NEDD4: variants seen among roughly 807,000 people sequenced by gnomAD.
NEDD4 encodes the protein E3 ubiquitin-protein ligase NEDD4.
NEDD4 carries 99 observed loss-of-function variants against 144.9 expected under a neutral mutation model. That is an observed-to-expected ratio of 0.68 (90% confidence interval 0.58 to 0.81). The LOEUF is 0.81. Ranked by LOEUF, NEDD4 falls within the 30% of genes least tolerant of loss-of-function variation. The pLI is 0.00. For missense variants in NEDD4, 985 were observed against 1,065.9 expected (o/e 0.92, Z 1.06); for synonymous variants, 318 against 350.6 (o/e 0.91, Z 1.04).
At chr15:55,911,530 A>C (rs1424053960) in intron 5 of NEDD4, among the ~76,000 whole-genome samples, 1 of 151,898 alleles carries the variant, frequency 6.6e-6, no homozygotes, top group Non-Finnish European at 1.5e-5. Flanking sequence ...TAGACTGAAA[A>C]AAAATTTTTT....
intron 1 of NEDD4, among the ~76,000 whole-genome samples, chr15:55,982,661 G>A (rs1278198521): frequency 1.3e-5 from 2 of 152,140 alleles, no homozygotes; most frequent in African/African-American, 4.8e-5. Context: ...TTGGGTCATT[G>A]GCTTTACATG....
chr15:55,967,113 G>C (rs557573792), intron 1 of NEDD4, among the ~76,000 whole-genome samples: 92 of 152,280 alleles, frequency 6.0e-4, no homozygotes, highest in Non-Finnish European at 1.0e-3. Flanking sequence ...TCGAACTCCT[G>C]ACCTCAGGTG....
intron 4 of NEDD4, among the ~76,000 whole-genome samples, chr15:55,929,337 TA>T (rs1164979365): frequency 6.6e-6 from 1 of 152,218 alleles, no homozygotes; most frequent in African/African-American, 2.4e-5. Context: ...TTTCCTTTTT[TA>T]AAAAAATTTA....
chr15:55,976,014 G>T lies in NEDD4; in HGVS notation c.46-9468C>A, dbSNP rs114483499. On this transcript the variant is annotated intron_variant, in intron 1 of 28. Coordinates refer to ENST00000435532, the MANE Select transcript of NEDD4 (RefSeq NM_006154.4). ...AACTCCTTTTTGACAAAGGTGCCAT[G>T]AACACACAATGGGGAAAGGACAGTC... Among the ~76,000 whole-genome samples, 1,174 of 152,268 alleles carry T rather than the reference G, an allele frequency of 7.7e-3. 16 individuals carry two copies. Among genetic ancestry groups the T allele is most frequent in the African/African-American group, 0.027 (1,121 of 41,548 alleles).
chr15:55,908,889 A>T (rs2036184159), intron 5 of NEDD4, among the ~76,000 whole-genome samples: 1 of 152,152 alleles, frequency 6.6e-6, no homozygotes, highest in African/African-American at 2.4e-5. Context: ...AACAATTGAG[A>T]TAAAAAGTAA....
intron 5 of NEDD4, chr15:55,915,332 T>G (rs977736815): frequency 1.2e-6 from 2 of 1,610,032 alleles, no homozygotes; most frequent in African/African-American, 2.7e-5. Flanking sequence ...TGCTGTCTCT[T>G]GATAAATTAT....
At chr15:55,922,534 T>G (rs2036587704) in intron 5 of NEDD4, among the ~76,000 whole-genome samples, 1 of 152,134 alleles carries the variant, frequency 6.6e-6, no homozygotes, top group Admixed American at 6.5e-5. Context: ...AACTAATTTT[T>G]GTATTTTTAT....
chr15:55,963,128 C>CTTTTTTTTTTTTTTTTTTTTTTTTT (rs754905603), intron 2 of NEDD4, among the ~76,000 whole-genome samples: 1 of 142,656 alleles, frequency 7.0e-6, no homozygotes, highest in Non-Finnish European at 1.5e-5. Context: ...TTCTGGCACT[C>CTTTTTTTTTTTTTTTTTTTTTTTTT]TTTTTTATTT....
At position 55,993,381 on chromosome 15, in the gene NEDD4, C is replaced by G. The variant is rs1459016037; in HGVS notation, c.45+130G>C. On this transcript the variant is annotated intron_variant, in intron 1 of 28. Transcript: ENST00000435532. ...GTCCCCGCGGCGCCTCGCGCGCTCCCCAGGCTCGCGCCGAGGGAGGAGGGG... is the reference window on the plus strand; with the variant it reads ...GTCCCCGCGGCGCCTCGCGCGCTCCGCAGGCTCGCGCCGAGGGAGGAGGGG... The G allele has an allele frequency of 3.3e-6, 4 of 1,208,600 alleles. No homozygotes were observed. In the East Asian group the frequency reaches 1.2e-4, roughly 36 times the overall value. The allele number at this position is 1,208,600 out of a possible 1,614,324, so 74.9% of individuals were successfully genotyped here. A position where few individuals can be genotyped will look rare whatever the true frequency, so the allele number is the denominator to read the frequency against.
chr15:55,878,347 A>C (rs2035066056), intron 5 of NEDD4, among the ~76,000 whole-genome samples: 1 of 152,216 alleles, frequency 6.6e-6, no homozygotes, highest in Non-Finnish European at 1.5e-5. Flanking sequence ...TGTCCCATTA[A>C]AATGGGCATA....
intron 6 of NEDD4, 104 bp downstream of exon 6, chr15:55,873,853 TA>T: frequency 2.0e-6 from 1 of 494,078 alleles, no homozygotes; most frequent in Non-Finnish European, 3.5e-6. Context: ...AAAAGTAGTA[TA>T]CATTTGATAA....
chr15:55,966,870 G>A (rs542229524), intron 1 of NEDD4, among the ~76,000 whole-genome samples: 11 of 152,126 alleles, frequency 7.2e-5, no homozygotes, highest in South Asian at 4.2e-4. Context: ...ACACAAAATC[G>A]AAAGTTCATA....
intron 1 of NEDD4, chr15:55,991,929 T>C (rs1241271521): frequency 6.6e-6 from 1 of 152,270 alleles, no homozygotes. Context: ...ATGATACCTT[T>C]GGCACTATTT....
chr15:55,963,176 G>C (rs1412346207), intron 2 of NEDD4, among the ~76,000 whole-genome samples: 1 of 145,744 alleles, frequency 6.9e-6, no homozygotes, highest in East Asian at 2.1e-4. Flanking sequence ...CTGTCGCCTA[G>C]GCTGGAGTGC....
intron 27 of NEDD4, among the ~76,000 whole-genome samples, chr15:55,832,214 A>G (rs886843561): frequency 7.9e-5 from 12 of 151,984 alleles, no homozygotes; most frequent in African/African-American, 2.7e-4. Context: ...TCATGATCAA[A>G]TAAGTTTGGG....
chr15:55,857,481 A>T (rs2034242484), intron 11 of NEDD4, among the ~76,000 whole-genome samples: 1 of 152,066 alleles, frequency 6.6e-6, no homozygotes. Context: ...GACACACGCC[A>T]CTGCACTCGG....
intron 1 of NEDD4, among the ~76,000 whole-genome samples, chr15:55,969,239 G>C (rs1184204076): frequency 1.3e-5 from 2 of 152,212 alleles, no homozygotes; most frequent in Non-Finnish European, 2.9e-5. Flanking sequence ...GGAGTATTTA[G>C]ACCAGCCTCA....
chr15:55,877,543 A>G (rs1421098538), intron 5 of NEDD4, among the ~76,000 whole-genome samples: 2 of 152,180 alleles, frequency 1.3e-5, no homozygotes, highest in Non-Finnish European at 2.9e-5. Context: ...TGTAATTAAC[A>G]GTATCTTGTG....
chr15:55,852,301 AAT>A, intron 13 of NEDD4, 121 bp downstream of exon 13: 2 of 1,192,244 alleles, frequency 1.7e-6, no homozygotes, highest in African/African-American at 1.6e-5. Context: ...ATCTCAAAAA[AAT>A]AAAAAAAAAA....
Sources: gnomAD v4.1 joint callset for allele counts (sites outside exome capture counted in the v4.1 genomes callset) on GRCh38, gnomAD v4.1.1 for gene constraint, MANE v1.5 for transcripts, NCBI Gene and HGNC (gene_info 2026-07-23, HGNC 2026-07-21) for gene names.